The following PUF60 variants were observed in gnomAD, a reference collection of about 807,000 sequenced individuals.
PUF60 encodes poly(U)-binding-splicing factor PUF60.
A neutral mutation model predicts 61.8 loss-of-function variants in PUF60; 10 were observed. That is an observed-to-expected ratio of 0.16 (90% CI 0.10 to 0.27). The LOEUF is 0.27. PUF60 is among the 10% of genes least tolerant of loss of function. The probability of loss-of-function intolerance (pLI) is 1.00; values close to 1 mark genes in which losing one functional copy is unlikely to be tolerated. For synonymous variants in PUF60, 353 were observed against 300.9 expected (o/e 1.17, Z -1.79); for missense variants, 371 against 754.0 (o/e 0.49, Z 5.95).
chr8:143,817,469 G>A lies in PUF60; in HGVS notation c.1009-3C>T, dbSNP rs772250893. 2.5e-6 allele frequency: 4 copies of A among 1,609,650 alleles called. No homozygotes were observed. The highest frequency in any genetic ancestry group is 4.5e-5 in the East Asian group (2 of 44,772). ...ACCGCTGCTCCGGCCACTGCTTCCTGCAACCCAAAAGGTCACCGTGCTCAG... is the reference window on the plus strand; with the variant it reads ...ACCGCTGCTCCGGCCACTGCTTCCTACAACCCAAAAGGTCACCGTGCTCAG... On this transcript the variant is annotated splice_polypyrimidine_tract_variant and splice_region_variant and intron_variant, in intron 9 of 11. Coordinates refer to ENST00000526683, the MANE Select transcript of PUF60 (RefSeq NM_078480.3). The surrounding 1 kb of genome is among the most constrained non-coding windows in gnomAD (Gnocchi z 7.4).
At chr8:143,829,102 C>A (rs1315612000) in intron 1 of PUF60, 178 bp downstream of exon 1, 1 of 1,130,696 alleles carries the variant, frequency 8.8e-7, no homozygotes, top group African/African-American at 1.6e-5. Flanking sequence ...AGGCCGCGAG[C>A]CGGCCGCCGG....
In PUF60 at chr8:143,821,614, G is replaced by A; in HGVS notation, c.280C>T (p.Gln94Ter). The stretch of plus-strand genomic sequence containing the variant: ...GGGCTCACCTGCAGGTTGGTGAGCT[G>A]CTGCTGCTGGTGCGCGATGGTCTGC... ...VKQTIAHQQQQLTNLQMAAVT... is the reference protein window; with the variant it reads ...VKQTIAHQQQ Residue 94 changes from glutamine to a stop codon, truncating the protein, a stop_gained, in exon 4 of 12, where the codon CAG becomes TAG. Coordinates refer to ENST00000526683, the MANE Select transcript of PUF60 (RefSeq NM_078480.3). LOFTEE classifies it high-confidence loss of function. 6.5e-7 allele frequency: 1 copy of A among 1,544,260 alleles called. No individual in the cohort carries two copies.
rs1265189688 is a variant in PUF60 at position 143,816,766 on chromosome 8, G to A, written c.1434C>T (p.Asp478=). Reference sequence around the variant, plus strand: ...ACTCCTCTGTCACCTCCCCTTCCAGGTCATCATCGATGTCCTTGGGGTCCA... The same window carrying A: ...ACTCCTCTGTCACCTCCCCTTCCAGATCATCATCGATGTCCTTGGGGTCCA... The part of the protein sequence containing the change: ...NMVDPKDIDD[D]LEGEVTEECG... Residue 478 remains aspartate (D), a synonymous_variant, in exon 12 of 12, where the codon GAC becomes GAT. Coordinates refer to ENST00000526683, the MANE Select transcript of PUF60 (RefSeq NM_078480.3). 1.2e-6 allele frequency: 2 copies of A among 1,613,636 alleles called. No homozygotes were observed. The highest frequency in any genetic ancestry group is 8.5e-7 in the Non-Finnish European group (1 of 1,179,870).
At chr8:143,823,778 G>C (rs910750563) in intron 2 of PUF60, among the ~76,000 whole-genome samples, 1 of 152,240 alleles carries the variant, frequency 6.6e-6, no homozygotes, top group Non-Finnish European at 1.5e-5. Context: ...CTGGGCCATC[G>C]AACAGACCAA....
chr8:143,827,058 C>A, intron 1 of PUF60: 1 of 312,978 alleles, frequency 3.2e-6, no homozygotes, highest in South Asian at 2.5e-5. Context: ...GTGAGCGCTG[C>A]AGAGGCCGCA....
Position 143,818,416 on chromosome 8 carries a change from T to C in PUF60, c.467A>G (p.Lys156Arg). ...GGAGTCCCAGGACATGTCGATGCTC[T>C]TGATGGGGCCAAAGGGGGCAAAGGC... is the stretch of plus-strand genomic sequence containing the variant. ...RQAFAPFGPI[K>R]SIDMSWDSVT... Residue 156 changes from lysine to arginine, a missense_variant, in exon 6 of 12, where the codon AAG becomes AGG. Physicochemically the swap from Lys to Arg is conservative, Grantham distance 26. Around this residue, in one of 13 missense-constraint regions of PUF60, gnomAD observed 35 missense variants for 173.1 expected, o/e 0.20. Transcript: ENST00000526683. This position sits in a 1 kb window ranked among gnomAD's most constrained non-coding sequence, Gnocchi z 7.9. 2 of 1,612,654 alleles carry C rather than the reference T, an allele frequency of 1.2e-6. No homozygotes were observed. The highest frequency in any genetic ancestry group is 8.5e-7 in the Non-Finnish European group (1 of 1,179,760).
At position 143,818,630 on chromosome 8, in the gene PUF60, C is replaced by T. The variant is rs922482911; in HGVS notation, c.349-96G>A. 6.8e-5 allele frequency: 91 copies of T among 1,344,208 alleles called. No homozygotes were observed. In the African/African-American group the frequency reaches 1.2e-3, roughly 17 times the overall value. 83.3% of individuals were successfully genotyped at this position (1,344,208 alleles called of 1,614,324 possible). On this transcript the variant is annotated intron_variant, in intron 5 of 11. Transcript: ENST00000526683. This position sits in a 1 kb window ranked among gnomAD's most constrained non-coding sequence, Gnocchi z 7.9. ...CTCCTGGCCCACCCACCCAGCCCTG[C>T]TGTGGGGAGGGCTCCCCACATGACA... is the stretch of plus-strand genomic sequence containing the variant.
intron 5 of PUF60, 94 bp downstream of exon 5, chr8:143,820,572 A>C (rs968910099): frequency 7.3e-7 from 1 of 1,373,744 alleles, no homozygotes; most frequent in Non-Finnish European, 1.0e-6. Flanking sequence ...AGGGCCGGCC[A>C]GGGGAGCAAG....
chr8:143,816,874 C>T, intron 11 of PUF60, 36 bp downstream of exon 11: 1 of 1,260,796 alleles, frequency 7.9e-7, no homozygotes, highest in Non-Finnish European at 1.1e-6. Flanking sequence ...CGCCCCCCTA[C>T]CCTCTCCCCC....
intron 1 of PUF60, 99 bp downstream of exon 1, chr8:143,829,181 G>A (rs1201893096): frequency 8.2e-7 from 1 of 1,226,768 alleles, no homozygotes; most frequent in Non-Finnish European, 1.0e-6. Flanking sequence ...GACCTGGGAA[G>A]ACCGCCGCGT....
intron 1 of PUF60, chr8:143,826,959 C>T (rs1817700307): frequency 5.0e-6 from 1 of 199,826 alleles, no homozygotes; most frequent in Admixed American, 5.4e-5. Context: ...GTCAGATACC[C>T]AGGGCAGAGC....
At position 143,823,688 on chromosome 8, in the gene PUF60, CGCT is replaced by C. The variant is rs1388947569; in HGVS notation, c.111+622_111+624del. On this transcript the variant is annotated intron_variant, in intron 2 of 11. Transcript: ENST00000526683. ...CCCACTGGAATGCTCTGGAGGCGGG[CGCT>C]ACCATGGAGAAGCACAAAGAACCCA... Among the ~76,000 whole-genome samples the C allele has an allele frequency of 1.3e-3, 202 of 152,308 alleles. 5 individuals carry two copies. The East Asian group carries it at 0.03, about 23-fold the overall frequency.
intron 1 of PUF60, among the ~76,000 whole-genome samples, chr8:143,827,894 T>C (rs1327347289): frequency 6.6e-6 from 1 of 152,134 alleles, no homozygotes; most frequent in Non-Finnish European, 1.5e-5. Context: ...CTGCGGGTGC[T>C]AGGGGAGTCA....
In PUF60 at chr8:143,820,652, G is replaced by A. The variant is rs1367236084; in HGVS notation, c.348+14C>T. On this transcript the variant is annotated intron_variant, in intron 5 of 11. Transcript: ENST00000526683. ...AGGACATGAGCCCCGGAAGAAGTGAGCATTTCTATTGACCGATTGCAAAGG... is the reference window on the plus strand; with the variant it reads ...AGGACATGAGCCCCGGAAGAAGTGAACATTTCTATTGACCGATTGCAAAGG... The A allele has an allele frequency of 3.1e-6, 5 of 1,610,176 alleles. No homozygotes were observed. The highest frequency in any genetic ancestry group is 1.3e-5 in the African/African-American group (1 of 74,850).
chr8:143,826,780 G>A (rs889864974), intron 1 of PUF60, among the ~76,000 whole-genome samples: 3 of 152,182 alleles, frequency 2.0e-5, no homozygotes, highest in Non-Finnish European at 2.9e-5. Context: ...AGGTCTCAAG[G>A]CTTCAGGCTC....
intron 3 of PUF60, 53 bp downstream of exon 3, chr8:143,821,765 T>C (rs547659098): frequency 3.2e-6 from 3 of 939,382 alleles, no homozygotes; most frequent in Non-Finnish European, 4.7e-6. Flanking sequence ...CCCCTGCCCC[T>C]GCCCCCAGTT....
chr8:143,816,447 G>C lies in PUF60; in HGVS notation c.*73C>G. 6.6e-7 allele frequency: 1 copy of C among 1,514,380 alleles called. No homozygotes were observed. Among genetic ancestry groups the C allele is most frequent in the Non-Finnish European group, 8.9e-7 (1 of 1,129,190 alleles). 93.8% of individuals were successfully genotyped at this position (1,514,380 alleles called of 1,614,324 possible). A position where few individuals can be genotyped will look rare whatever the true frequency, so the allele number is the denominator to read the frequency against. The stretch of plus-strand genomic sequence containing the variant: ...GCTGGGCAGAGCGCGCCTGGCCCCG[G>C]GGACACCACTGTATCACTATAAAAC... On this transcript the variant is annotated 3_prime_UTR_variant, in exon 12 of 12. Coordinates refer to ENST00000526683, the MANE Select transcript of PUF60 (RefSeq NM_078480.3).
chr8:143,817,219 G>A lies in PUF60; in HGVS notation c.1145-74C>T, dbSNP rs1816440261. On this transcript the variant is annotated intron_variant, in intron 10 of 11. Transcript: ENST00000526683. The surrounding 1 kb of genome is among the most constrained non-coding windows in gnomAD (Gnocchi z 7.4). ...TCCCAGAAAGGCACAGAGCTGGCCT[G>A]CCCTGGGCTCAGAGGGTTGTGCCCA... 3.9e-6 allele frequency: 6 copies of A among 1,520,640 alleles called. No homozygotes were observed. Among genetic ancestry groups the A allele is most frequent in the East Asian group, 2.3e-5 (1 of 42,750 alleles). 94.2% of individuals were successfully genotyped at this position (1,520,640 alleles called of 1,614,324 possible). A position where few individuals can be genotyped will look rare whatever the true frequency, so the allele number is the denominator to read the frequency against.
chr8:143,827,705 G>C (rs1041939865), intron 1 of PUF60, among the ~76,000 whole-genome samples: 1 of 152,162 alleles, frequency 6.6e-6, no homozygotes, highest in Non-Finnish European at 1.5e-5. Flanking sequence ...GAAACCTGAC[G>C]ATAAAAAAAC....
Sources: gnomAD v4.1 joint callset for allele counts (sites outside exome capture counted in the v4.1 genomes callset) on GRCh38, gnomAD v4.1.1 for gene constraint, gnomAD v4.1.1 regional missense constraint, Gnocchi (gnomAD v3.1) non-coding constraint, MANE v1.5 for transcripts, NCBI Gene and HGNC (gene_info 2026-07-23, HGNC 2026-07-21) for gene names.